The following CADM2 variants were observed in gnomAD, a reference collection of about 807,000 sequenced individuals.
CADM2 encodes the protein cell adhesion molecule 2.
A neutral mutation model predicts 49.8 loss-of-function variants in CADM2; 12 were observed. The ratio of observed to expected loss-of-function variants is 0.24; its 90% CI spans 0.15 to 0.39. The LOEUF is 0.39. Among genes scored for constraint, CADM2 ranks in the 10% least tolerant of loss-of-function variants. The pLI is 1.00. For synonymous variants in CADM2, 214 were observed against 175.4 expected (o/e 1.22, Z -1.74); for missense variants, 378 against 492.3 (o/e 0.77, Z 2.20).
chr3:85,209,046 A>T (rs2041716262), intron 1 of CADM2, among the ~76,000 whole-genome samples: 1 of 152,158 alleles, frequency 6.6e-6, no homozygotes, highest in Non-Finnish European at 1.5e-5. Flanking sequence ...GAAATGGAAG[A>T]CTTTCATTCT....
At chr3:85,184,838 T>C (rs941450341) in intron 1 of CADM2, among the ~76,000 whole-genome samples, 1 of 152,106 alleles carries the variant, frequency 6.6e-6, no homozygotes, top group Admixed American at 6.6e-5. Flanking sequence ...TTTGTCAAGA[T>C]AAATATCCTA....
At chr3:85,634,205 AT>A (rs1472883322) in intron 1 of CADM2, among the ~76,000 whole-genome samples, 6 of 152,016 alleles carry the variant, frequency 3.9e-5, no homozygotes, top group African/African-American at 1.4e-4. Flanking sequence ...TCAATGAGGT[AT>A]TAAACATATG....
rs1739666718 is a variant in CADM2, at chr3:86,069,627, T to C, written c.*2844T>C. 6.6e-6 allele frequency: 1 copy of C among 152,016 alleles called. No homozygotes were observed. Among genetic ancestry groups the C allele is most frequent in the African/African-American group, 2.4e-5 (1 of 41,446 alleles). 9.4% of individuals were successfully genotyped at this position (152,016 alleles called of 1,614,324 possible). On this transcript the variant is annotated 3_prime_UTR_variant, in exon 10 of 10. Coordinates refer to ENST00000383699, the MANE Select transcript of CADM2 (RefSeq NM_001167675.2). ...TCATTGTCTGGAACATGCACACTTG[T>C]GTGCACATAGAGTCAATTTCTGTCT...
At chr3:85,218,267 A>C (rs1479627874) in intron 1 of CADM2, among the ~76,000 whole-genome samples, 2 of 152,092 alleles carry the variant, frequency 1.3e-5, no homozygotes, top group Non-Finnish European at 2.9e-5. Flanking sequence ...GAACAATGTA[A>C]AAGTAATTTA....
intron 1 of CADM2, among the ~76,000 whole-genome samples, chr3:85,049,936 C>T (rs2035817925): frequency 6.6e-6 from 1 of 152,116 alleles, no homozygotes; most frequent in Non-Finnish European, 1.5e-5. Context: ...CCACTTACCT[C>T]ACCATCTCCC....
intron 1 of CADM2, among the ~76,000 whole-genome samples, chr3:85,721,642 G>C (rs954794535): frequency 6.6e-5 from 10 of 152,206 alleles, no homozygotes; most frequent in African/African-American, 1.4e-4. Flanking sequence ...CAGGTGCACT[G>C]CAAGAAGCTT....
rs144254946 is a variant in CADM2 at position 85,356,275 on chromosome 3, T to C, written c.62-370247T>C. On this transcript the variant is annotated intron_variant, in intron 1 of 9. Transcript: ENST00000383699. Reference sequence around the variant, plus strand: ...GACTAGTTGCATTCTACCATCAATCTTGAGGAATGATTGGGAGTTAATATA... The same window carrying C: ...GACTAGTTGCATTCTACCATCAATCCTGAGGAATGATTGGGAGTTAATATA... Among the ~76,000 whole-genome samples the C allele has an allele frequency of 2.2e-3, 340 of 152,130 alleles. 3 individuals are homozygous for C. Among genetic ancestry groups the C allele is most frequent in the African/African-American group, 8.0e-3 (332 of 41,500 alleles).
At position 86,069,680 on chromosome 3, in the gene CADM2, A is replaced by G. The variant is rs1054907752; in HGVS notation, c.*2897A>G. On this transcript the variant is annotated 3_prime_UTR_variant, in exon 10 of 10. Transcript: ENST00000383699. ...TCTAAGTGAGCACAGTAGGTAGGGA[A>G]CTCAATGGAAGCAGTGTGCACACAC... is the stretch of plus-strand genomic sequence containing the variant. 2.0e-5 allele frequency: 3 copies of G among 151,862 alleles called. No homozygotes were observed. The highest frequency in any genetic ancestry group is 7.2e-5 in the African/African-American group (3 of 41,400). The allele number at this position is 151,862 out of a possible 1,614,324, so 9.4% of individuals were successfully genotyped here.
At chr3:85,160,586 A>G (rs568225205) in intron 1 of CADM2, among the ~76,000 whole-genome samples, 1 of 152,116 alleles carries the variant, frequency 6.6e-6, no homozygotes, top group Non-Finnish European at 1.5e-5. Context: ...AAGTCCTCCT[A>G]TTCATGGTCC....
At chr3:85,258,826 A>G (rs971447869) in intron 1 of CADM2, among the ~76,000 whole-genome samples, 1 of 152,128 alleles carries the variant, frequency 6.6e-6, no homozygotes, top group Non-Finnish European at 1.5e-5. Context: ...TGGCATATAT[A>G]TATGTGTGCA....
intron 1 of CADM2, among the ~76,000 whole-genome samples, chr3:85,333,356 GA>G (rs755880453): frequency 3.4e-4 from 52 of 151,134 alleles, no homozygotes; most frequent in Non-Finnish European, 3.1e-4. Context: ...AAGCATTTTA[GA>G]AAAAAAATGT....
chr3:85,029,797 A>T (rs2034897379), intron 1 of CADM2, among the ~76,000 whole-genome samples: 1 of 152,190 alleles, frequency 6.6e-6, no homozygotes, highest in Non-Finnish European at 1.5e-5. Context: ...ATTGCCATCA[A>T]ACTGAATCTT....
intron 1 of CADM2, among the ~76,000 whole-genome samples, chr3:84,996,466 G>C (rs926198797): frequency 2.6e-5 from 4 of 151,960 alleles, no homozygotes; most frequent in African/African-American, 9.7e-5. Context: ...AATTAGACTA[G>C]CTATAAAAAG....
chr3:85,429,865 T>G (rs2036585851), intron 1 of CADM2, among the ~76,000 whole-genome samples: 1 of 152,184 alleles, frequency 6.6e-6, no homozygotes, highest in South Asian at 2.1e-4. Context: ...ATAAAAGCAT[T>G]AGTATTTCTG....
chr3:85,954,938 A>T (rs1723865118), intron 7 of CADM2, among the ~76,000 whole-genome samples: 1 of 151,186 alleles, frequency 6.6e-6, no homozygotes. Flanking sequence ...GGAAATAGAG[A>T]GGGATTAAGT....
intron 1 of CADM2, among the ~76,000 whole-genome samples, chr3:85,167,145 G>A (rs1644491838): frequency 6.6e-6 from 1 of 151,878 alleles, no homozygotes; most frequent in Non-Finnish European, 1.5e-5. Flanking sequence ...CTTATTTTAA[G>A]GAATATGTAC....
intron 1 of CADM2, among the ~76,000 whole-genome samples, chr3:85,568,117 A>G (rs559013076): frequency 7.4e-4 from 113 of 152,300 alleles, no homozygotes; most frequent in Non-Finnish European, 1.3e-3. Flanking sequence ...CCAGCTATCT[A>G]TGTATCCCTT....
intron 1 of CADM2, among the ~76,000 whole-genome samples, chr3:85,224,718 G>T (rs1471891944): frequency 6.6e-6 from 1 of 152,062 alleles, no homozygotes; most frequent in Non-Finnish European, 1.5e-5. Flanking sequence ...TTTCTTCTAG[G>T]GTTTTTATGA....
At chr3:85,262,269 C>G (rs980296360) in intron 1 of CADM2, among the ~76,000 whole-genome samples, 1 of 151,960 alleles carries the variant, frequency 6.6e-6, no homozygotes, top group Non-Finnish European at 1.5e-5. Context: ...TAATTTTATT[C>G]ATATTACATA....
Sources: gnomAD v4.1 joint callset for allele counts (sites outside exome capture counted in the v4.1 genomes callset) on GRCh38, gnomAD v4.1.1 for gene constraint, MANE v1.5 for transcripts, NCBI Gene and HGNC (gene_info 2026-07-23, HGNC 2026-07-21) for gene names.